The following TMEM135 variants were observed in gnomAD, a reference collection of about 807,000 sequenced individuals.
TMEM135 encodes peroxisomal membrane protein 52.
A neutral mutation model predicts 60.3 loss-of-function variants in TMEM135; 30 were observed. The observed-to-expected ratio is 0.50, with a 90% CI of 0.37 to 0.68. The LOEUF is 0.68. Among genes scored for constraint, TMEM135 ranks in the 30% least tolerant of loss-of-function variants. TMEM135 has a pLI of 0.00. For synonymous variants in TMEM135, 190 were observed against 186.7 expected, an observed-to-expected ratio of 1.02 and a Z score of -0.14; for missense variants, 468 against 548.8, an observed-to-expected ratio of 0.85 and a Z score of 1.47.
chr11:87,313,338 G>A, intron 10 of TMEM135, 87 bp from the exon 11 acceptor site: 2 of 1,124,818 alleles, frequency 1.8e-6, no homozygotes, highest in African/African-American at 1.5e-5. Flanking sequence ...GTAATCTGAT[G>A]AATTTATTCA....
At chr11:87,082,241 A>G (rs118052612) in intron 3 of TMEM135, among the ~76,000 whole-genome samples, 1,591 of 152,292 alleles carry the variant, frequency 0.01, 14 homozygotes, top group South Asian at 0.042. Flanking sequence ...TCTTGTTTTA[A>G]GTAAATGTGT....
chr11:87,064,944 G>A (rs982889621), intron 1 of TMEM135, among the ~76,000 whole-genome samples: 20 of 151,038 alleles, frequency 1.3e-4, no homozygotes, highest in Non-Finnish European at 1.5e-5. Flanking sequence ...TGTAGCTTTA[G>A]GATTAGCTTT....
rs528068415 is a variant in TMEM135, at chr11:87,278,060, G to C, written c.510-17722G>C. On this transcript the variant is annotated intron_variant, in intron 6 of 14. Coordinates refer to ENST00000305494, the MANE Select transcript of TMEM135 (RefSeq NM_022918.4). ...AGGACAGTCTAAATTCTTGGACCAA[G>C]TCCTTCCATTGTCTAGCCTTGCTCT... 7.9e-5 allele frequency among the ~76,000 whole-genome samples: 12 copies of C among 152,290 alleles called. No homozygotes were observed. The South Asian group carries it at 2.5e-3, about 32-fold the overall frequency.
At chr11:87,274,110 T>C (rs1591159991) in intron 6 of TMEM135, among the ~76,000 whole-genome samples, 2 of 151,900 alleles carry the variant, frequency 1.3e-5, no homozygotes, top group Non-Finnish European at 2.9e-5. Context: ...GTGGGTAGAG[T>C]GGGTAGTAGT....
chr11:87,045,260 G>A (rs980160047), intron 1 of TMEM135, among the ~76,000 whole-genome samples: 2 of 151,802 alleles, frequency 1.3e-5, no homozygotes, highest in African/African-American at 2.4e-5. Context: ...TCGATCTCCT[G>A]ACCTTGTGAT....
intron 5 of TMEM135, among the ~76,000 whole-genome samples, chr11:87,231,172 C>T (rs765471405): frequency 6.6e-6 from 1 of 152,056 alleles, no homozygotes; most frequent in Non-Finnish European, 1.5e-5. Context: ...AAATAAAGCT[C>T]AAAGTGTAGG....
Position 87,105,583 on chromosome 11 carries a change from A to G in TMEM135, c.396+14188A>G, listed in dbSNP as rs547894787. Among the ~76,000 whole-genome samples the G allele has an allele frequency of 1.1e-4, 17 of 152,302 alleles. No individual in the cohort carries two copies. The South Asian group carries it at 3.5e-3, about 32-fold the overall frequency. ...GCCTCCCAGGGTTAAATGCCACTTG[A>G]TCATGGTGAAAGATTTTTAAAAAAC... is the stretch of plus-strand genomic sequence containing the variant. On this transcript the variant is annotated intron_variant, in intron 4 of 14. Coordinates refer to ENST00000305494, the MANE Select transcript of TMEM135 (RefSeq NM_022918.4).
chr11:87,040,157 T>C (rs1949738318), intron 1 of TMEM135, among the ~76,000 whole-genome samples: 1 of 152,156 alleles, frequency 6.6e-6, no homozygotes, highest in Non-Finnish European at 1.5e-5. Context: ...ATTAGTGAAA[T>C]GGAAGAAAAT....
intron 5 of TMEM135, among the ~76,000 whole-genome samples, chr11:87,167,202 T>G (rs1939077677): frequency 6.6e-6 from 1 of 152,336 alleles, no homozygotes; most frequent in South Asian, 2.1e-4. Flanking sequence ...AAGGAGATTT[T>G]GGGCTGAGAC....
chr11:87,199,306 G>A (rs905822738), intron 5 of TMEM135, among the ~76,000 whole-genome samples: 18 of 152,192 alleles, frequency 1.2e-4, no homozygotes, highest in African/African-American at 4.1e-4. Context: ...AGTGTTAAGA[G>A]GATGGAAACC....
Position 87,059,911 on chromosome 11 carries a change from C to T in TMEM135, c.142-7783C>T, listed in dbSNP as rs545335213. On this transcript the variant is annotated intron_variant, in intron 1 of 14. Transcript: ENST00000305494. ...CAGACAGATCACGAGGTCAGGAGTT[C>T]GAGACCAGCCTGCATAAAATGGTGA... Among the ~76,000 whole-genome samples, 223 of 152,244 alleles carry T rather than the reference C, an allele frequency of 1.5e-3. 2 individuals carry two copies. The highest frequency in any genetic ancestry group is 5.0e-3 in the African/African-American group (206 of 41,572).
intron 4 of TMEM135, 86 bp downstream of exon 4, chr11:87,091,481 A>G (rs1857203474): frequency 1.5e-6 from 2 of 1,308,998 alleles, no homozygotes; most frequent in African/African-American, 2.9e-5. Context: ...TAAAAGAGGA[A>G]AGCCACTTGT....
rs376556339 is a variant in TMEM135, at chr11:87,323,153, C to G, written c.*1820C>G. On this transcript the variant is annotated 3_prime_UTR_variant, in exon 15 of 15. Transcript: ENST00000305494. ...GACTGTGATATTGAAAGATGAATTA[C>G]GAAATTTGCTGAGATTGTTTAGTAA... 2.2e-6 allele frequency: 1 copy of G among 453,822 alleles called. No homozygotes were observed. Among genetic ancestry groups the G allele is most frequent in the African/African-American group, 2.0e-5 (1 of 50,040 alleles). 28.1% of individuals were successfully genotyped at this position (453,822 alleles called of 1,614,324 possible).
chr11:87,099,051 C>T (rs1000747266), intron 4 of TMEM135, among the ~76,000 whole-genome samples: 3 of 152,104 alleles, frequency 2.0e-5, no homozygotes, highest in African/African-American at 7.2e-5. Flanking sequence ...TTCAAGAAAA[C>T]TTTAAAGTAT....
chr11:87,114,998 C>A (rs1220527783), intron 4 of TMEM135, among the ~76,000 whole-genome samples: 1 of 152,168 alleles, frequency 6.6e-6, no homozygotes, highest in East Asian at 1.9e-4. Flanking sequence ...TATTGATCAT[C>A]TTTAAACCTA....
intron 5 of TMEM135, among the ~76,000 whole-genome samples, chr11:87,219,685 G>A (rs1489746353): frequency 1.3e-5 from 2 of 152,066 alleles, no homozygotes; most frequent in Non-Finnish European, 2.9e-5. Context: ...TGGGGATTAG[G>A]GCTTTAACAT....
At chr11:87,273,131 G>T (rs1941900636) in intron 6 of TMEM135, among the ~76,000 whole-genome samples, 1 of 151,822 alleles carries the variant, frequency 6.6e-6, no homozygotes, top group African/African-American at 2.4e-5. Context: ...TCTTCACTAG[G>T]GCTAGGATAC....
rs558080233 is a variant in TMEM135, at chr11:87,128,763, T to C, written c.397-28578T>C. On this transcript the variant is annotated intron_variant, in intron 4 of 14. Coordinates refer to ENST00000305494, the MANE Select transcript of TMEM135 (RefSeq NM_022918.4). ...TCTTTAAGTATATTCTAGAAAAATT[T>C]CTAACTGTATGTAGAAAATAGGAGA... Among the ~76,000 whole-genome samples the C allele has an allele frequency of 5.9e-5, 9 of 152,316 alleles. No homozygotes were observed. In the South Asian group the frequency reaches 1.9e-3, roughly 32 times the overall value.
intron 5 of TMEM135, among the ~76,000 whole-genome samples, chr11:87,193,074 C>T (rs1939852817): frequency 1.3e-5 from 2 of 152,068 alleles, no homozygotes; most frequent in South Asian, 4.1e-4. Context: ...GAGATTGCAC[C>T]ACTGCACTCC....
Sources: gnomAD v4.1 joint callset for allele counts (sites outside exome capture counted in the v4.1 genomes callset) on GRCh38, gnomAD v4.1.1 for gene constraint, MANE v1.5 for transcripts, NCBI Gene and HGNC (gene_info 2026-07-23, HGNC 2026-07-21) for gene names.